Variants in FANCD2 observed in about 807,000 individuals in gnomAD.
FANCD2 encodes FA complementation group D2, also known as Fanconi anemia group D2 protein.
Under a neutral mutation model 192.3 loss-of-function variants are expected in FANCD2, and 131 were observed. The observed-to-expected ratio is 0.68, with a 90% confidence interval of 0.59 to 0.79. FANCD2 has a LOEUF of 0.79. Ranked by LOEUF, FANCD2 falls within the 30% of genes least tolerant of loss-of-function variation. FANCD2 has a pLI of 0.00. For synonymous variants in FANCD2, 524 were observed against 612.5 expected, an observed-to-expected ratio of 0.86 and a Z score of 2.13; for missense variants, 1,508 against 1,701.6, an observed-to-expected ratio of 0.89 and a Z score of 2.00.
At chr3:10,028,832 G>T in intron 2 of FANCD2, 111 bp downstream of exon 2, 3 of 936,224 alleles carry the variant, frequency 3.2e-6, no homozygotes, top group Non-Finnish European at 5.2e-6. Flanking sequence ...TGTAATGAAT[G>T]GAGTGCACAG....
chr3:10,052,656 C>CT, intron 18 of FANCD2, among the ~76,000 whole-genome samples, 159 bp downstream of exon 18: 1 of 152,142 alleles, frequency 6.6e-6, no homozygotes, highest in South Asian at 2.1e-4. Context: ...GTGGCTGGGA[C>CT]TACAGGCACG....
In FANCD2 at chr3:10,073,491, G is replaced by A. The variant is rs3843378; in HGVS notation, c.2715+129G>A. ...ACAGCGAGCCAAAACTCTCTTAGGCGTTGGAGTAATCTCCTTAGTAGCAAA... is the reference window on the plus strand; with the variant it reads ...ACAGCGAGCCAAAACTCTCTTAGGCATTGGAGTAATCTCCTTAGTAGCAAA... On this transcript the variant is annotated intron_variant, in intron 28 of 43. Coordinates refer to ENST00000675286, the MANE Select transcript of FANCD2 (RefSeq NM_001018115.3). 986 of 785,768 alleles carry A rather than the reference G, an allele frequency of 1.3e-3. 2 individuals carry two copies. The highest frequency in any genetic ancestry group is 2.8e-3 in the Middle Eastern group (12 of 4,332). 48.7% of individuals were successfully genotyped at this position (785,768 alleles called of 1,614,324 possible).
intron 19 of FANCD2, among the ~76,000 whole-genome samples, chr3:10,060,636 C>A (rs769150639): frequency 2.0e-5 from 3 of 152,150 alleles, no homozygotes; most frequent in Non-Finnish European, 4.4e-5. Flanking sequence ...TAAGGATTGG[C>A]TAGAGGTAAA....
chr3:10,049,022 A>C (rs1200272886), intron 16 of FANCD2, among the ~76,000 whole-genome samples: 1 of 151,908 alleles, frequency 6.6e-6, no homozygotes, highest in African/African-American at 2.4e-5. Context: ...CTTGAGTGCC[A>C]TCTTTTTGAG....
rs756218874 is a variant in FANCD2 at position 10,042,591 on chromosome 3, T to A, written c.816T>A (p.Ser272=). ...VRQLVMDKLS[S]IRLEDLPVII... ...AGTTGGTGATGGATAAGTTGTCGTC[T>A]ATTAGATTGGAGGATTTACCTGTGA... The change falls in exon 11 of 44, where the codon TCT becomes TCA. Residue 272 remains serine, a synonymous_variant. Coordinates refer to ENST00000675286, the MANE Select transcript of FANCD2 (RefSeq NM_001018115.3). 1.4e-5 allele frequency: 23 copies of A among 1,614,002 alleles called. No individual in the cohort carries two copies. The highest frequency in any genetic ancestry group is 1.9e-5 in the Non-Finnish European group (23 of 1,179,988).
chr3:10,054,177 A>T (rs539710275), intron 18 of FANCD2, among the ~76,000 whole-genome samples: 10 of 151,388 alleles, frequency 6.6e-5, no homozygotes, highest in Non-Finnish European at 1.3e-4. Context: ...GTGCCACTGC[A>T]CTCCAGCCAG....
At chr3:10,031,654 T>G (rs1445903093) in intron 2 of FANCD2, among the ~76,000 whole-genome samples, 2 of 152,302 alleles carry the variant, frequency 1.3e-5, no homozygotes, top group East Asian at 3.9e-4. Context: ...GTCTTGGGAT[T>G]AAACCTATCT....
intron 26 of FANCD2, among the ~76,000 whole-genome samples, chr3:10,070,030 C>A (rs1385841988): frequency 1.3e-5 from 2 of 150,990 alleles, no homozygotes; most frequent in Admixed American, 6.6e-5. Context: ...CGTCTCTGCC[C>A]GGCCACCCAT....
chr3:10,051,588 A>G (rs2087219748), intron 17 of FANCD2, among the ~76,000 whole-genome samples: 1 of 152,046 alleles, frequency 6.6e-6, no homozygotes, highest in Non-Finnish European at 1.5e-5. Context: ...AATAGAGTCA[A>G]TGTCGAGAAG....
intron 25 of FANCD2, among the ~76,000 whole-genome samples, 188 bp from the exon 26 acceptor site, chr3:10,067,016 CGCCTG>C (rs1479021684): frequency 6.6e-6 from 1 of 152,190 alleles, no homozygotes; most frequent in Non-Finnish European, 1.5e-5. Flanking sequence ...TGAGCCACCA[CGCCTG>C]GCTGAATCTC....
At chr3:10,074,498 A>G (rs1261710293) in intron 28 of FANCD2, 32 bp from the exon 29 acceptor site, 5 of 1,594,672 alleles carry the variant, frequency 3.1e-6, no homozygotes, top group Admixed American at 3.4e-5. Context: ...GAAGATTTAT[A>G]TATTCTCTTT....
In FANCD2 at chr3:10,096,323, C is replaced by G; in HGVS notation, c.4039-3C>G. On this transcript the variant is annotated splice_polypyrimidine_tract_variant and splice_region_variant and intron_variant, in intron 41 of 43. Coordinates refer to ENST00000675286, the MANE Select transcript of FANCD2 (RefSeq NM_001018115.3). ...AAGATGGATGTTATTTATTTCCATTCAGATTCACCAGGACACGAGACTCAC... is the reference window on the plus strand; with the variant it reads ...AAGATGGATGTTATTTATTTCCATTGAGATTCACCAGGACACGAGACTCAC... 6.2e-7 allele frequency: 1 copy of G among 1,613,924 alleles called. No individual in the cohort carries two copies. The highest frequency in any genetic ancestry group is 1.1e-5 in the South Asian group (1 of 91,064).
intron 26 of FANCD2, 49 bp downstream of exon 26, chr3:10,067,366 C>T (rs1407274061): frequency 1.8e-6 from 2 of 1,096,996 alleles, no homozygotes; most frequent in Admixed American, 1.8e-5. Context: ...AGTAGTGAGG[C>T]AATAAAGCAC....
chr3:10,075,125 CT>C (rs1693463049), intron 29 of FANCD2, among the ~76,000 whole-genome samples: 1 of 152,060 alleles, frequency 6.6e-6, no homozygotes, highest in African/African-American at 2.4e-5. Flanking sequence ...TTTCAAATAA[CT>C]TCTAATCTAA....
At position 10,034,517 on chromosome 3, in the gene FANCD2, G is replaced by C; in HGVS notation, c.254G>C (p.Arg85Thr). 1 of 1,612,196 alleles carries C rather than the reference G, an allele frequency of 6.2e-7. No individual in the cohort carries two copies. The highest frequency in any genetic ancestry group is 8.5e-7 in the Non-Finnish European group (1 of 1,178,342). The change falls in exon 4 of 44, where the codon AGA becomes ACA. Residue 85 changes from arginine to threonine, a missense_variant. This residue lies in a region of FANCD2 where 435 missense variants were observed against 421.9 expected (regional missense o/e 1.03). Coordinates refer to ENST00000675286, the MANE Select transcript of FANCD2 (RefSeq NM_001018115.3). Reference protein sequence around the residue: ...FQKKLFQTLRRHPSYPKIIEE... With the variant: ...FQKKLFQTLRTHPSYPKIIEE... ...AAGAAGCTCTTTCAGACCCTGAGGA[G>C]ACACCCTTCCTATCCCAAAGTATGT... is the stretch of plus-strand genomic sequence containing the variant.
intron 18 of FANCD2, among the ~76,000 whole-genome samples, chr3:10,053,423 T>C (rs978245347): frequency 3.9e-4 from 59 of 151,764 alleles, no homozygotes; most frequent in Non-Finnish European, 7.5e-4. Flanking sequence ...ATACACCTAA[T>C]GCTAGATGAC....
intron 16 of FANCD2, among the ~76,000 whole-genome samples, chr3:10,048,964 C>G (rs572436252): frequency 1.3e-5 from 2 of 152,256 alleles, no homozygotes; most frequent in Admixed American, 1.3e-4. Flanking sequence ...TGGAAACATG[C>G]AAGTCTAGCC....
chr3:10,070,299 C>T (rs1158047027), intron 26 of FANCD2, among the ~76,000 whole-genome samples: 7 of 145,938 alleles, frequency 4.8e-5, no homozygotes, highest in East Asian at 2.1e-4. Flanking sequence ...GGAGCGTCTC[C>T]GCCCGGCAGC....
chr3:10,049,682 G>A (rs943420897), intron 17 of FANCD2, among the ~76,000 whole-genome samples, 177 bp downstream of exon 17: 1 of 152,096 alleles, frequency 6.6e-6, no homozygotes, highest in Non-Finnish European at 1.5e-5. Flanking sequence ...CTCTATTCTG[G>A]GTGCTGTGAA....
Sources: gnomAD v4.1 joint callset for allele counts (sites outside exome capture counted in the v4.1 genomes callset) on GRCh38, gnomAD v4.1.1 for gene constraint, gnomAD v4.1.1 regional missense constraint, MANE v1.5 for transcripts, NCBI Gene and HGNC (gene_info 2026-07-23, HGNC 2026-07-21) for gene names.